FSTL5: variants seen among roughly 807,000 people sequenced by gnomAD.
The protein encoded by FSTL5 is follistatin-related protein 5.
A neutral mutation model predicts 89.1 loss-of-function variants in FSTL5; 62 were observed. The observed-to-expected ratio is 0.70, with a 90% CI of 0.57 to 0.86. The LOEUF (loss-of-function observed/expected upper bound fraction) is 0.86, where lower values mean the gene tolerates loss of function less well. Ranked by LOEUF, FSTL5 falls within the 40% of genes least tolerant of loss-of-function variation. The probability of loss-of-function intolerance (pLI) is 0.00; values close to 1 mark genes in which losing one functional copy is unlikely to be tolerated. For synonymous variants in FSTL5, 383 were observed against 346.2 expected, an observed-to-expected ratio of 1.11 and a Z score of -1.18; for missense variants, 1,057 against 1,001.6, an observed-to-expected ratio of 1.06 and a Z score of -0.75.
intron 4 of FSTL5, among the ~76,000 whole-genome samples, chr4:161,882,880 AG>A (rs1732678824): frequency 6.6e-6 from 1 of 152,152 alleles, no homozygotes; most frequent in Non-Finnish European, 1.5e-5. Flanking sequence ...TGATGCATGT[AG>A]GAAGATAATG....
intron 15 of FSTL5, among the ~76,000 whole-genome samples, chr4:161,427,330 G>C (rs1224601550): frequency 1.3e-5 from 2 of 152,200 alleles, no homozygotes; most frequent in Non-Finnish European, 2.9e-5. Context: ...CCACACCTTT[G>C]CTTTGAAACC....
intron 1 of FSTL5, among the ~76,000 whole-genome samples, chr4:162,129,726 A>G (rs1159008053): frequency 6.6e-6 from 1 of 152,242 alleles, no homozygotes; most frequent in Non-Finnish European, 1.5e-5. Flanking sequence ...CAATAATTCA[A>G]TGTAAATTAA....
intron 1 of FSTL5, among the ~76,000 whole-genome samples, chr4:162,117,855 T>C (rs1731701937): frequency 6.6e-6 from 1 of 152,164 alleles, no homozygotes; most frequent in Non-Finnish European, 1.5e-5. Context: ...AATAAAATAA[T>C]GAATAAATTG....
chr4:161,709,557 T>C (rs921996192), intron 6 of FSTL5, among the ~76,000 whole-genome samples: 1 of 152,072 alleles, frequency 6.6e-6, no homozygotes, highest in Non-Finnish European at 1.5e-5. Context: ...TCTCAGCATT[T>C]TGGGAGGCCG....
intron 8 of FSTL5, among the ~76,000 whole-genome samples, chr4:161,569,758 AACACACACACACACACAC>A (rs56387876): frequency 1.5e-5 from 2 of 134,338 alleles, no homozygotes; most frequent in African/African-American, 5.9e-5. Context: ...CCAACACACA[AACACACACACACACACAC>A]ACACACACAC....
chr4:161,873,866 C>T (rs904671029), intron 4 of FSTL5, among the ~76,000 whole-genome samples: 1 of 151,742 alleles, frequency 6.6e-6, no homozygotes, highest in Admixed American at 6.6e-5. Context: ...TTGAATGTGG[C>T]TATAGTGCAT....
At chr4:161,491,670 G>A (rs978070531) in intron 12 of FSTL5, among the ~76,000 whole-genome samples, 6 of 151,962 alleles carry the variant, frequency 3.9e-5, no homozygotes, top group Admixed American at 2.0e-4. Flanking sequence ...CTGAAACCCC[G>A]TCTCTACTAA....
At chr4:161,672,856 T>A (rs752198571) in intron 6 of FSTL5, among the ~76,000 whole-genome samples, 27 of 151,970 alleles carry the variant, frequency 1.8e-4, no homozygotes, top group Non-Finnish European at 3.5e-4. Flanking sequence ...CAGGAATACA[T>A]CTTTTCTACA....
At chr4:161,907,654 T>G (rs1006001972) in intron 4 of FSTL5, among the ~76,000 whole-genome samples, 1 of 152,124 alleles carries the variant, frequency 6.6e-6, no homozygotes, top group Non-Finnish European at 1.5e-5. Context: ...ACTTACTATC[T>G]GAAAGTCAGG....
chr4:161,752,226 C>T (rs533633273), intron 6 of FSTL5, among the ~76,000 whole-genome samples: 1,961 of 139,084 alleles, frequency 0.014, 69 homozygotes, highest in African/African-American at 0.05. Context: ...GATAGATGGA[C>T]AGATAGATAG....
At chr4:161,473,904 A>C (rs1415977241) in intron 13 of FSTL5, among the ~76,000 whole-genome samples, 1 of 152,144 alleles carries the variant, frequency 6.6e-6, no homozygotes, top group Non-Finnish European at 1.5e-5. Context: ...TTTTTAATCC[A>C]TTCTGTCAAT....
rs549252347 is a variant in FSTL5, at chr4:161,715,499, G to A, written c.727+43912C>T. 2.6e-5 allele frequency among the ~76,000 whole-genome samples: 4 copies of A among 152,176 alleles called. No individual in the cohort carries two copies. The East Asian group carries it at 7.7e-4, about 29-fold the overall frequency. ...TTTTCATCTTCCTGACTTTTAGACAGTGGAGAGAATCAGCACTCACATCTG... is the reference window on the plus strand; with the variant it reads ...TTTTCATCTTCCTGACTTTTAGACAATGGAGAGAATCAGCACTCACATCTG... On this transcript the variant is annotated intron_variant, in intron 6 of 15. Coordinates refer to ENST00000306100, the MANE Select transcript of FSTL5 (RefSeq NM_020116.5).
intron 4 of FSTL5, among the ~76,000 whole-genome samples, chr4:161,851,770 ATTAC>A (rs1452424675): frequency 2.6e-5 from 4 of 151,398 alleles, no homozygotes; most frequent in East Asian, 1.9e-4. Flanking sequence ...TTGATAATAT[ATTAC>A]TTACAACTTT....
chr4:161,449,529 G>A (rs1042530374), intron 15 of FSTL5, among the ~76,000 whole-genome samples: 2 of 152,098 alleles, frequency 1.3e-5, no homozygotes, highest in African/African-American at 4.8e-5. Flanking sequence ...ATTACTCACA[G>A]GCCTAGCCCT....
intron 13 of FSTL5, among the ~76,000 whole-genome samples, chr4:161,467,462 A>G (rs1418493895): frequency 3.9e-5 from 6 of 152,144 alleles, no homozygotes; most frequent in African/African-American, 1.4e-4. Flanking sequence ...GCAGTTCACT[A>G]TAAATGTAAA....
chr4:161,424,395 T>C (rs1732099980), intron 15 of FSTL5, among the ~76,000 whole-genome samples: 1 of 151,962 alleles, frequency 6.6e-6, no homozygotes, highest in Non-Finnish European at 1.5e-5. Context: ...ATATAATGTT[T>C]TTAAGGCAAC....
intron 6 of FSTL5, among the ~76,000 whole-genome samples, chr4:161,747,355 C>T (rs569729432): frequency 1.1e-4 from 17 of 151,792 alleles, no homozygotes; most frequent in East Asian, 3.9e-4. Context: ...TTCCAACATA[C>T]TTTGTGTATT....
chr4:162,083,980 A>T (rs1221088630), intron 2 of FSTL5, among the ~76,000 whole-genome samples: 1 of 151,982 alleles, frequency 6.6e-6, no homozygotes, highest in East Asian at 1.9e-4. Context: ...TCATTTTATA[A>T]TTTAGACATT....
intron 3 of FSTL5, among the ~76,000 whole-genome samples, chr4:162,026,696 G>A (rs559442784): frequency 1.2e-4 from 18 of 151,998 alleles, no homozygotes; most frequent in Non-Finnish European, 2.4e-4. Flanking sequence ...ACAATATTGC[G>A]ATGTTAGTGT....
Sources: allele counts gnomAD v4.1 joint callset (sites outside exome capture counted in the v4.1 genomes callset), GRCh38; gene constraint gnomAD v4.1.1; transcripts MANE v1.5; gene names NCBI Gene and HGNC (gene_info 2026-07-23, HGNC 2026-07-21).